The following ABCA9 variants were observed in gnomAD, a reference collection of about 807,000 sequenced individuals.
The protein encoded by ABCA9 is ATP binding cassette subfamily A member 9.
Under a neutral mutation model 205.3 loss-of-function variants are expected in ABCA9, and 183 were observed. The observed-to-expected ratio is 0.89, with a 90% confidence interval of 0.79 to 1.01. ABCA9 has a LOEUF of 1.01. Ranked by LOEUF, ABCA9 falls within the 50% of genes least tolerant of loss-of-function variation. The pLI is 0.00. For missense variants in ABCA9, 1,805 were observed against 1,912.4 expected, an observed-to-expected ratio of 0.94 and a Z score of 1.05; for synonymous variants, 651 against 683.3, an observed-to-expected ratio of 0.95 and a Z score of 0.74.
chr17:69,024,849 G>A (rs139676944), intron 16 of ABCA9, among the ~76,000 whole-genome samples: 3 of 151,968 alleles, frequency 2.0e-5, no homozygotes, highest in Non-Finnish European at 2.9e-5. Context: ...TCATTTTGGG[G>A]CCCAAAATTT....
chr17:68,975,056 A>G lies in ABCA9; in HGVS notation c.*859T>C, dbSNP rs1168637498. 2 of 150,160 alleles carry G rather than the reference A, an allele frequency of 1.3e-5. No individual in the cohort carries two copies. Among genetic ancestry groups the G allele is most frequent in the Non-Finnish European group, 1.5e-5 (1 of 67,516 alleles). 9.3% of individuals were successfully genotyped at this position (150,160 alleles called of 1,614,324 possible). A position where few individuals can be genotyped will look rare whatever the true frequency, so the allele number is the denominator to read the frequency against. On this transcript the variant is annotated 3_prime_UTR_variant, in exon 39 of 39. Coordinates refer to ENST00000340001, the MANE Select transcript of ABCA9 (RefSeq NM_080283.4). ...GTGTGGTGTTCCCCTCCCTGTGTCCATGTATTCTCATTGTTCAATTCCCAC... is the reference window on the plus strand; with the variant it reads ...GTGTGGTGTTCCCCTCCCTGTGTCCGTGTATTCTCATTGTTCAATTCCCAC...
chr17:69,062,291 A>T (rs1386627479), upstream of ABCA9, among the ~76,000 whole-genome samples: 2 of 151,832 alleles, frequency 1.3e-5, no homozygotes, highest in Non-Finnish European at 2.9e-5. Context: ...AATTTAGGAA[A>T]TTTTTTTTCA....
chr17:68,995,338 G>A (rs1442790635), intron 26 of ABCA9, among the ~76,000 whole-genome samples: 1 of 152,038 alleles, frequency 6.6e-6, no homozygotes, highest in African/African-American at 2.4e-5. Context: ...TCTAAGTTTT[G>A]GAGTTCAAGA....
intron 10 of ABCA9, among the ~76,000 whole-genome samples, chr17:69,031,641 A>G (rs1037147645): frequency 2.6e-5 from 4 of 152,186 alleles, no homozygotes; most frequent in African/African-American, 2.4e-5. Context: ...TTTCCTTCCC[A>G]TCTCTCTGGA....
chr17:68,982,147 T>C (rs1394524309), intron 37 of ABCA9, among the ~76,000 whole-genome samples: 1 of 152,208 alleles, frequency 6.6e-6, no homozygotes, highest in Non-Finnish European at 1.5e-5. Context: ...TTCATATGTT[T>C]CTGTTTGTAT....
intron 1 of ABCA9, among the ~76,000 whole-genome samples, chr17:69,057,452 A>G (rs1380308443): frequency 1.3e-5 from 2 of 152,180 alleles, no homozygotes; most frequent in Non-Finnish European, 2.9e-5. Context: ...AGTGGCCTTT[A>G]GGCTTGCACA....
intron 17 of ABCA9, 54 bp from the exon 18 acceptor site, chr17:69,021,915 T>G: frequency 1.6e-6 from 2 of 1,272,710 alleles, no homozygotes; most frequent in Non-Finnish European, 2.1e-6. Context: ...ATGAGAACCA[T>G]ATTTCTCAAA....
At chr17:68,996,571 A>C (rs1260324369) in intron 25 of ABCA9, among the ~76,000 whole-genome samples, 1 of 152,204 alleles carries the variant, frequency 6.6e-6, no homozygotes, top group East Asian at 1.9e-4. Context: ...GTGCACTTAA[A>C]ATTTTAACAG....
In ABCA9 at chr17:69,008,247, A is replaced by G. The variant is rs1265551282; in HGVS notation, c.3148-12T>C. ...GAATGAGCTTTTTTCTGATAAAGAA[A>G]TAGAAGAATCATCAAAAGGTTCTGA... On this transcript the variant is annotated splice_polypyrimidine_tract_variant and intron_variant, in intron 23 of 38. Coordinates refer to ENST00000340001, the MANE Select transcript of ABCA9 (RefSeq NM_080283.4). 1.2e-6 allele frequency: 2 copies of G among 1,610,854 alleles called. No homozygotes were observed. Among genetic ancestry groups the G allele is most frequent in the Admixed American group, 1.7e-5 (1 of 59,100 alleles).
intron 25 of ABCA9, among the ~76,000 whole-genome samples, chr17:68,996,840 T>C (rs1357691608): frequency 1.3e-5 from 2 of 152,206 alleles, no homozygotes; most frequent in Non-Finnish European, 2.9e-5. Flanking sequence ...GGTCTTTACT[T>C]GACTTATATA....
rs764937873 is a variant in ABCA9, at chr17:68,984,869, C to T, written c.4379+16G>A. The T allele has an allele frequency of 3.7e-6, 6 of 1,614,122 alleles. No individual in the cohort carries two copies. In the South Asian group the frequency reaches 4.4e-5, roughly 12 times the overall value. The stretch of plus-strand genomic sequence containing the variant: ...TCAATACACTCATGCAGAGGTTGCT[C>T]ATGATAGCACCTCACCACATTTGCT... On this transcript the variant is annotated intron_variant, in intron 34 of 38. Coordinates refer to ENST00000340001, the MANE Select transcript of ABCA9 (RefSeq NM_080283.4).
intron 3 of ABCA9, among the ~76,000 whole-genome samples, chr17:69,047,596 T>C (rs1188712477): frequency 6.6e-6 from 1 of 152,154 alleles, no homozygotes; most frequent in Admixed American, 6.6e-5. Context: ...TATCAGTCTC[T>C]GCCTGAAATT....
At chr17:69,032,383 T>C (rs1038262628) in intron 9 of ABCA9, 107 bp from the exon 10 acceptor site, 14 of 1,013,160 alleles carry the variant, frequency 1.4e-5, no homozygotes, top group Non-Finnish European at 1.9e-5. Flanking sequence ...CACATTATCA[T>C]ATTAAGGTCT....
chr17:69,054,166 G>T (rs535143601), intron 1 of ABCA9, among the ~76,000 whole-genome samples: 1 of 152,236 alleles, frequency 6.6e-6, no homozygotes, highest in African/African-American at 2.4e-5. Flanking sequence ...GTTGCCAGTA[G>T]ACCTGCCTTG....
At chr17:69,027,512 T>C in intron 13 of ABCA9, 63 bp from the exon 14 acceptor site, 1 of 1,571,634 alleles carries the variant, frequency 6.4e-7, no homozygotes, top group Non-Finnish European at 8.6e-7. Context: ...CACTATCATT[T>C]TTCTGTTCTT....
chr17:69,074,497 G>A, the ABCA9 span, among the ~76,000 whole-genome samples: 261 of 152,250 alleles, frequency 1.7e-3, 1 homozygote, highest in African/African-American at 5.9e-3. Context: ...GAGAACATGT[G>A]GTATTTGGTT....
At chr17:69,031,970 C>A (rs1403327445) in intron 10 of ABCA9, 138 bp downstream of exon 10, 1 of 667,740 alleles carries the variant, frequency 1.5e-6, no homozygotes. Context: ...ATGAGTATAG[C>A]CTTTGATGAG....
At chr17:69,069,617 G>T in the ABCA9 span, among the ~76,000 whole-genome samples, 1 of 151,536 alleles carries the variant, frequency 6.6e-6, no homozygotes, top group Admixed American at 6.6e-5. Flanking sequence ...TTTACAAGGG[G>T]TGTGTTAGGG....
At chr17:69,015,619 T>C (rs921097469) in intron 22 of ABCA9, among the ~76,000 whole-genome samples, 2 of 152,190 alleles carry the variant, frequency 1.3e-5, no homozygotes, top group Non-Finnish European at 2.9e-5. Context: ...AAATATAATT[T>C]ACTGAGCACC....
Sources: gnomAD v4.1 joint callset for allele counts (sites outside exome capture counted in the v4.1 genomes callset) on GRCh38, gnomAD v4.1.1 for gene constraint, MANE v1.5 for transcripts, NCBI Gene and HGNC (gene_info 2026-07-23, HGNC 2026-07-21) for gene names.